The following DLD variants were observed in gnomAD, a reference collection of about 807,000 sequenced individuals.
DLD encodes the protein dihydrolipoyl dehydrogenase, mitochondrial.
A neutral mutation model predicts 62.2 loss-of-function variants in DLD; 36 were observed. That is an observed-to-expected ratio of 0.58 (90% CI 0.44 to 0.76). DLD has a LOEUF of 0.76. Among genes scored for constraint, DLD ranks in the 30% least tolerant of loss-of-function variants. The pLI is 0.00. For missense variants in DLD, 541 were observed against 608.6 expected, an observed-to-expected ratio of 0.89 and a Z score of 1.17; for synonymous variants, 204 against 199.6, an observed-to-expected ratio of 1.02 and a Z score of -0.19.
rs374029662 is a variant in DLD, at chr7:107,901,927, A to G, written c.198+110A>G. The G allele has an allele frequency of 4.9e-5, 42 of 855,608 alleles. 1 individual carries two copies. The highest frequency in any genetic ancestry group is 3.0e-4 in the East Asian group (12 of 39,392). 53.0% of individuals were successfully genotyped at this position (855,608 alleles called of 1,614,324 possible). A position where few individuals can be genotyped will look rare whatever the true frequency, so the allele number is the denominator to read the frequency against. On this transcript the variant is annotated intron_variant, in intron 3 of 13. Transcript: ENST00000205402. ...ACATGGTAAATACTTCCTTAACTCT[A>G]TAAATTACTTGTAAGCCTGAGACTA...
chr7:107,919,089 A>G lies in DLD; in HGVS notation c.1454A>G (p.His485Arg). 1 of 1,613,806 alleles carries G rather than the reference A, an allele frequency of 6.2e-7. No homozygotes were observed. The highest frequency in any genetic ancestry group is 8.5e-7 in the Non-Finnish European group (1 of 1,179,736). ...TGTGAAGATATAGCTAGAGTCTGTC[A>G]TGCACATCCGGTAATTATTAACAAC... ...ASCEDIARVC[H>R]AHPTLSEAFR... Residue 485 changes from histidine to arginine, a missense_variant, in exon 13 of 14, where the codon CAT becomes CGT. By Grantham distance (29) the His-to-Arg change is conservative. Transcript: ENST00000205402.
At chr7:107,909,681 C>T (rs1471153897) in intron 8 of DLD, among the ~76,000 whole-genome samples, 3 of 152,048 alleles carry the variant, frequency 2.0e-5, no homozygotes, top group East Asian at 1.9e-4. Context: ...ATAATGTCTT[C>T]TAGTATTTAG....
In DLD at chr7:107,903,475, T is replaced by A. The variant is rs2031928500; in HGVS notation, c.268-3T>A. 6.4e-7 allele frequency: 1 copy of A among 1,553,776 alleles called. No homozygotes were observed. The highest frequency in any genetic ancestry group is 8.9e-7 in the Non-Finnish European group (1 of 1,125,998). On this transcript the variant is annotated splice_region_variant and splice_polypyrimidine_tract_variant and intron_variant, in intron 4 of 13. Transcript: ENST00000205402. ...ATAATTTGATCTTTTTAATTTCCTT[T>A]AGGCTTTATTGAACAACTCTCATTA...
intron 8 of DLD, among the ~76,000 whole-genome samples, chr7:107,908,274 C>T (rs1180078639): frequency 6.6e-6 from 1 of 151,714 alleles, no homozygotes; most frequent in Non-Finnish European, 1.5e-5. Context: ...CCTCAGCCTC[C>T]CAAGTAGCTG....
Position 107,903,556 on chromosome 7 carries a change from A to G in DLD, c.337+9A>G. On this transcript the variant is annotated intron_variant, in intron 5 of 13. Coordinates refer to ENST00000205402, the MANE Select transcript of DLD (RefSeq NM_000108.5). Reference sequence around the variant, plus strand: ...ATCTAGAGGAATTGAAAGTAAGTATACTTTTCATGCTTAATGATATTACCA... The same window carrying G: ...ATCTAGAGGAATTGAAAGTAAGTATGCTTTTCATGCTTAATGATATTACCA... The G allele has an allele frequency of 6.5e-7, 1 of 1,535,626 alleles. No individual in the cohort carries two copies. Among genetic ancestry groups the G allele is most frequent in the Non-Finnish European group, 9.0e-7 (1 of 1,110,006 alleles).
intron 12 of DLD, 88 bp downstream of exon 12, chr7:107,918,149 A>C: frequency 6.6e-7 from 1 of 1,516,492 alleles, no homozygotes; most frequent in Non-Finnish European, 9.1e-7. Context: ...TGTTAGTCTG[A>C]GGTTGCTCAT....
chr7:107,899,959 C>G (rs1189895506), intron 2 of DLD, among the ~76,000 whole-genome samples: 2 of 144,874 alleles, frequency 1.4e-5, no homozygotes, highest in African/African-American at 5.1e-5. Flanking sequence ...TTGTGTAGAT[C>G]GTCATTTGGT....
At chr7:107,904,278 G>T (rs1421647165) in intron 5 of DLD, among the ~76,000 whole-genome samples, 1 of 152,208 alleles carries the variant, frequency 6.6e-6, no homozygotes, top group African/African-American at 2.4e-5. Context: ...AAGAGCTAGG[G>T]GTAGTCAGGA....
intron 12 of DLD, among the ~76,000 whole-genome samples, chr7:107,918,537 G>T (rs2032325778): frequency 6.6e-6 from 1 of 152,144 alleles, no homozygotes; most frequent in African/African-American, 2.4e-5. Flanking sequence ...TTGAATGGCT[G>T]GCTCCTTATT....
At chr7:107,891,573 G>A in intron 1 of DLD, 1 of 578,316 alleles carries the variant, frequency 1.7e-6, no homozygotes, top group Admixed American at 3.0e-5. Flanking sequence ...CTGGGCCGAG[G>A]GCCATCCCGG....
At chr7:107,902,879 G>C (rs972926100) in intron 4 of DLD, among the ~76,000 whole-genome samples, 1 of 152,134 alleles carries the variant, frequency 6.6e-6, no homozygotes, top group Non-Finnish European at 1.5e-5. Flanking sequence ...ATTAATAAGA[G>C]AAACTGAATT....
At chr7:107,907,366 C>T (rs931966831) in intron 8 of DLD, among the ~76,000 whole-genome samples, 1 of 152,334 alleles carries the variant, frequency 6.6e-6, no homozygotes, top group Non-Finnish European at 1.5e-5. Flanking sequence ...AGATGGTACA[C>T]TGCCCTGGTC....
intron 2 of DLD, among the ~76,000 whole-genome samples, chr7:107,894,864 T>C (rs1263774182): frequency 6.6e-6 from 1 of 152,244 alleles, no homozygotes; most frequent in Non-Finnish European, 1.5e-5. Context: ...ACACACATAC[T>C]TGTATTTTAT....
intron 8 of DLD, among the ~76,000 whole-genome samples, chr7:107,913,778 G>A (rs1483083168): frequency 6.6e-6 from 1 of 152,090 alleles, no homozygotes; most frequent in African/African-American, 2.4e-5. Flanking sequence ...TTGAATAAAA[G>A]TGGTGAAAAA....
chr7:107,903,360 A>G (rs1584463235), intron 4 of DLD, 118 bp from the exon 5 acceptor site: 1 of 672,052 alleles, frequency 1.5e-6, no homozygotes. Flanking sequence ...CTTGGGCAAT[A>G]AGAACGAAAC....
chr7:107,917,886 TG>T (rs780112438), intron 11 of DLD, 37 bp from the exon 12 acceptor site: 1 of 1,613,566 alleles, frequency 6.2e-7, no homozygotes, highest in East Asian at 2.2e-5. Context: ...AGAACTTTTC[TG>T]GCAGTTACGT....
intron 1 of DLD, among the ~76,000 whole-genome samples, chr7:107,892,914 A>T (rs1189078669): frequency 6.6e-6 from 1 of 152,218 alleles, no homozygotes; most frequent in Non-Finnish European, 1.5e-5. Context: ...AAAATTGAAT[A>T]AAAATACCAT....
chr7:107,917,245 A>G (rs772242298), intron 10 of DLD, 28 bp from the exon 11 acceptor site: 3 of 1,613,214 alleles, frequency 1.9e-6, no homozygotes, highest in African/African-American at 1.3e-5. Flanking sequence ...TCAGAAATTC[A>G]TTGTGTTTCT....
At chr7:107,893,859 GGGAAACAAA>G (rs752206119) in intron 2 of DLD, among the ~76,000 whole-genome samples, 2 of 152,156 alleles carry the variant, frequency 1.3e-5, no homozygotes, top group Non-Finnish European at 2.9e-5. Flanking sequence ...CAAGTATGAT[GGGAAACAAA>G]GGTTTTGAGC....
Sources: gnomAD v4.1 joint callset for allele counts (sites outside exome capture counted in the v4.1 genomes callset) on GRCh38, gnomAD v4.1.1 for gene constraint, MANE v1.5 for transcripts, NCBI Gene and HGNC (gene_info 2026-07-23, HGNC 2026-07-21) for gene names.